The following PRR16 variants were observed in gnomAD, a reference collection of about 807,000 sequenced individuals.
The protein encoded by PRR16 is protein Largen.
A neutral mutation model predicts 18.2 loss-of-function variants in PRR16; 6 were observed. That is an observed-to-expected ratio of 0.33 (90% CI 0.18 to 0.65). The LOEUF is 0.65. PRR16 is among the 30% of genes least tolerant of loss of function. The probability of loss-of-function intolerance (pLI) is 0.74; values close to 1 mark genes in which losing one functional copy is unlikely to be tolerated. For missense variants in PRR16, 412 were observed against 376.6 expected, an observed-to-expected ratio of 1.09 and a Z score of -0.78; for synonymous variants, 151 against 147.8, an observed-to-expected ratio of 1.02 and a Z score of -0.16.
In PRR16 at chr5:120,606,985, A is replaced by G. The variant is rs543044081; in HGVS notation, c.160-78969A>G. 9.1e-4 allele frequency among the ~76,000 whole-genome samples: 138 copies of G among 152,344 alleles called. 1 individual carries two copies. Among genetic ancestry groups the G allele is most frequent in the African/African-American group, 3.1e-3 (130 of 41,588 alleles). ...TTGGCTATAGGCATTTAACAATGCA[A>G]AGATCCAAATAATTTCCAAAACATG... On this transcript the variant is annotated intron_variant, in intron 1 of 1. Coordinates refer to ENST00000407149, the MANE Select transcript of PRR16 (RefSeq NM_001300783.2).
At chr5:120,487,821 C>A (rs951044751) in intron 1 of PRR16, among the ~76,000 whole-genome samples, 17 of 152,138 alleles carry the variant, frequency 1.1e-4, no homozygotes, top group African/African-American at 4.1e-4. Context: ...AGATACGTCC[C>A]AACAGTACCG....
intron 1 of PRR16, among the ~76,000 whole-genome samples, chr5:120,483,096 T>C (rs942399148): frequency 2.0e-5 from 3 of 152,158 alleles, no homozygotes; most frequent in Non-Finnish European, 4.4e-5. Context: ...TCTAACATGG[T>C]ATATTCTCCA....
the PRR16 span, among the ~76,000 whole-genome samples, chr5:120,793,858 C>T: frequency 1.3e-5 from 2 of 152,110 alleles, no homozygotes; most frequent in Non-Finnish European, 2.9e-5. Flanking sequence ...GGGCACAAAC[C>T]TGTACAACAA....
the PRR16 span, among the ~76,000 whole-genome samples, chr5:120,754,101 A>C: frequency 6.3e-4 from 40 of 63,568 alleles, no homozygotes; most frequent in African/African-American, 1.9e-3. Context: ...TAGTTATATC[A>C]GGAAGAAAAT....
At chr5:120,683,224 T>G (rs1757024883) in intron 1 of PRR16, among the ~76,000 whole-genome samples, 1 of 152,188 alleles carries the variant, frequency 6.6e-6, no homozygotes, top group Non-Finnish European at 1.5e-5. Context: ...TGGTTGGTTG[T>G]TAAACACAAC....
At chr5:120,676,328 A>T (rs1379461919) in intron 1 of PRR16, among the ~76,000 whole-genome samples, 1 of 152,172 alleles carries the variant, frequency 6.6e-6, no homozygotes, top group Non-Finnish European at 1.5e-5. Flanking sequence ...AAGAGTAGTT[A>T]TGACTTCCCC....
chr5:120,637,031 A>T (rs540942450), intron 1 of PRR16, among the ~76,000 whole-genome samples: 1 of 152,248 alleles, frequency 6.6e-6, no homozygotes, highest in South Asian at 2.1e-4. Context: ...CATATGGAAA[A>T]ATGCTCAACA....
chr5:120,569,695 G>A (rs377222006), intron 1 of PRR16, among the ~76,000 whole-genome samples: 37 of 152,116 alleles, frequency 2.4e-4, no homozygotes, highest in African/African-American at 6.5e-4. Flanking sequence ...GTCATGTTCC[G>A]GAGTGATCAA....
the PRR16 span, among the ~76,000 whole-genome samples, chr5:120,788,307 T>C: frequency 1.3e-5 from 2 of 152,000 alleles, no homozygotes; most frequent in Admixed American, 6.6e-5. Flanking sequence ...GATTGAAGTT[T>C]TAATAAGCTG....
chr5:120,624,817 AGGGACCTGGTGGGAG>A (rs1754806963), intron 1 of PRR16, among the ~76,000 whole-genome samples: 1 of 152,046 alleles, frequency 6.6e-6, no homozygotes, highest in Non-Finnish European at 1.5e-5. Flanking sequence ...ATGTTGTGGG[AGGGACCTGGTGGGAG>A]ATGATTGAAT....
the PRR16 span, among the ~76,000 whole-genome samples, chr5:120,785,678 T>A: frequency 6.7e-6 from 1 of 149,050 alleles, no homozygotes; most frequent in African/African-American, 2.5e-5. Flanking sequence ...GTTCAAGCAA[T>A]TCTCCTGCCT....
intron 1 of PRR16, among the ~76,000 whole-genome samples, chr5:120,557,207 G>A (rs566820188): frequency 2.0e-5 from 3 of 151,772 alleles, no homozygotes; most frequent in Admixed American, 6.6e-5. Flanking sequence ...AGAAATATCT[G>A]TCTTTTCTGA....
At chr5:120,537,381 A>C (rs1243697861) in intron 1 of PRR16, among the ~76,000 whole-genome samples, 1 of 152,186 alleles carries the variant, frequency 6.6e-6, no homozygotes, top group Non-Finnish European at 1.5e-5. Flanking sequence ...ACTAGGGTAT[A>C]ATGTTACATT....
chr5:120,779,007 A>G, the PRR16 span, among the ~76,000 whole-genome samples: 2 of 152,198 alleles, frequency 1.3e-5, no homozygotes, highest in Non-Finnish European at 2.9e-5. Flanking sequence ...TTTTGATTCT[A>G]TTCTGATTGA....
chr5:120,684,843 A>G lies in PRR16; in HGVS notation c.160-1111A>G, dbSNP rs565376412. 4.6e-5 allele frequency among the ~76,000 whole-genome samples: 7 copies of G among 152,246 alleles called. No homozygotes were observed. In the South Asian group the frequency reaches 1.0e-3, roughly 23 times the overall value. Reference sequence around the variant, plus strand: ...TAAGATACTTCCATTCAATGTTCCTATCTTCACAACCTCTCTCCTTAACGT... The same window carrying G: ...TAAGATACTTCCATTCAATGTTCCTGTCTTCACAACCTCTCTCCTTAACGT... On this transcript the variant is annotated intron_variant, in intron 1 of 1. Transcript: ENST00000407149.
At chr5:120,531,371 G>C (rs866647342) in intron 1 of PRR16, 1 of 152,066 alleles carries the variant, frequency 6.6e-6, no homozygotes, top group Non-Finnish European at 1.5e-5. Flanking sequence ...AGGATCGTTC[G>C]GGGAAGCTTG....
At chr5:120,713,050 A>C in the PRR16 span, among the ~76,000 whole-genome samples, 2 of 152,186 alleles carry the variant, frequency 1.3e-5, no homozygotes, top group African/African-American at 2.4e-5. Context: ...AATAGCCAAA[A>C]TGTGAAAACA....
intron 1 of PRR16, among the ~76,000 whole-genome samples, chr5:120,544,985 A>G (rs1752031536): frequency 6.6e-6 from 1 of 152,154 alleles, no homozygotes; most frequent in African/African-American, 2.4e-5. Context: ...AAACCACTGT[A>G]TATTTATTGT....
At chr5:120,706,931 T>C in the PRR16 span, among the ~76,000 whole-genome samples, 1,212 of 152,286 alleles carry the variant, frequency 8.0e-3, 11 homozygotes, top group African/African-American at 0.026. Context: ...GCTCTTACCC[T>C]CTGATAGACA....
Sources: gnomAD v4.1 joint callset for allele counts (sites outside exome capture counted in the v4.1 genomes callset) on GRCh38, gnomAD v4.1.1 for gene constraint, MANE v1.5 for transcripts, NCBI Gene and HGNC (gene_info 2026-07-23, HGNC 2026-07-21) for gene names.